The following GPR143 variants were observed in gnomAD, a reference collection of about 807,000 sequenced individuals.
GPR143 encodes the protein G-protein coupled receptor 143.
In GPR143, 8 loss-of-function variants were observed where a neutral mutation model predicts 27.6. The observed-to-expected ratio is 0.29, with a 90% CI of 0.17 to 0.52. GPR143 has a LOEUF of 0.52. Among genes scored for constraint, GPR143 ranks in the 20% least tolerant of loss-of-function variants. The pLI is 0.96. For synonymous variants in GPR143, 156 were observed against 153.2 expected, an observed-to-expected ratio of 1.02 and a Z score of -0.13; for missense variants, 303 against 343.1, an observed-to-expected ratio of 0.88 and a Z score of 0.92.
chrX:9,732,503 T>A (rs1432508764), intron 8 of GPR143, among the ~76,000 whole-genome samples: 2 of 111,027 alleles, frequency 1.8e-5, no homozygotes, highest in Admixed American at 9.6e-5. Flanking sequence ...AGAAATGGAA[T>A]TACAGGGCAG....
At chrX:9,751,856 G>A (rs1348263593) in intron 3 of GPR143, among the ~76,000 whole-genome samples, 1 of 112,791 alleles carries the variant, frequency 8.9e-6, no homozygotes, top group Non-Finnish European at 1.9e-5. Context: ...AATGTTTATT[G>A]AGCAAAGATC....
intron 4 of GPR143, 83 bp from the exon 5 acceptor site, chrX:9,746,236 G>GT: frequency 1.7e-6 from 1 of 581,440 alleles, no homozygotes; most frequent in Non-Finnish European, 3.1e-6. Flanking sequence ...GTCAAGATAA[G>GT]AGGATGAGAA....
At chrX:9,776,820 C>T in intron 1 of GPR143, among the ~76,000 whole-genome samples, 1 of 111,826 alleles carries the variant, frequency 8.9e-6, no homozygotes, top group Admixed American at 9.6e-5. Flanking sequence ...GATCCTCCCA[C>T]TTCAGCCTCC....
At chrX:9,726,001 AAAAAG>A in intron 8 of GPR143, 161 bp from the exon 9 acceptor site, 5 of 720,023 alleles carry the variant, frequency 6.9e-6, no homozygotes, top group African/African-American at 4.8e-5. Flanking sequence ...AAAAAAAAAA[AAAAAG>A]GTGGGAGGGG....
At chrX:9,734,421 C>T (rs1425188266) in intron 8 of GPR143, among the ~76,000 whole-genome samples, 2 of 110,992 alleles carry the variant, frequency 1.8e-5, no homozygotes, top group African/African-American at 6.6e-5. Flanking sequence ...CCAAGAATGG[C>T]GGGGTGGGTG....
chrX:9,772,885 T>G (rs1217634819), intron 1 of GPR143, among the ~76,000 whole-genome samples: 1 of 108,687 alleles, frequency 9.2e-6, no homozygotes, highest in African/African-American at 3.3e-5. Context: ...GTAACAATTT[T>G]CATATAGCTC....
At chrX:9,768,783 TTC>T (rs1302931957), upstream of GPR143, among the ~76,000 whole-genome samples, 2 of 110,867 alleles carry the variant, frequency 1.8e-5, no homozygotes, top group Non-Finnish European at 3.8e-5. Flanking sequence ...GTTCAAGTGA[TTC>T]TCATGCCTCA....
intron 3 of GPR143, among the ~76,000 whole-genome samples, chrX:9,758,528 C>T (rs920421290): frequency 5.4e-5 from 6 of 111,941 alleles, no homozygotes; most frequent in African/African-American, 1.6e-4. Flanking sequence ...CCTCCAGCCC[C>T]GGCATTCTCA....
intron 1 of GPR143, among the ~76,000 whole-genome samples, chrX:9,773,195 CCTGCCTAAAGACATCTGT>C (rs1311386305): frequency 8.9e-6 from 1 of 111,803 alleles, no homozygotes; most frequent in East Asian, 2.8e-4. Context: ...CTCACATTTG[CCTGCCTAAAGACATCTGT>C]CTGCCTAAAG....
intron 7 of GPR143, chrX:9,741,041 A>T: frequency 3.5e-6 from 1 of 288,665 alleles, no homozygotes; most frequent in East Asian, 5.0e-5. Context: ...AATATAATAT[A>T]TTGTACTTCT....
chrX:9,729,830 T>C (rs113423453), intron 8 of GPR143, among the ~76,000 whole-genome samples: 4,527 of 112,017 alleles, frequency 0.04, 222 homozygotes, highest in African/African-American at 0.14. Flanking sequence ...AGGTAGGTTG[T>C]TTGGATTCTC....
chrX:9,726,877 A>T (rs969655194), intron 8 of GPR143, among the ~76,000 whole-genome samples: 1 of 112,591 alleles, frequency 8.9e-6, no homozygotes. Context: ...ATGTGACAAG[A>T]TTTACAAAAA....
chrX:9,745,097 C>CA (rs1261406375), intron 5 of GPR143, among the ~76,000 whole-genome samples: 1 of 110,816 alleles, frequency 9.0e-6, no homozygotes, highest in African/African-American at 3.3e-5. Flanking sequence ...ACTAAAAATA[C>CA]AAAAAAAAGT....
At chrX:9,762,865 C>T (rs1476115712) in intron 1 of GPR143, among the ~76,000 whole-genome samples, 2 of 111,614 alleles carry the variant, frequency 1.8e-5, no homozygotes, top group Non-Finnish European at 3.8e-5. Context: ...CTTATTTGCT[C>T]GCAACCTCAT....
intron 3 of GPR143, among the ~76,000 whole-genome samples, chrX:9,753,976 G>C (rs6638961): frequency 0.14 from 15,061 of 111,129 alleles, 861 homozygotes; most frequent in South Asian, 0.3. Context: ...AGTTGAGGCC[G>C]CAGCCTTCCA....
chrX:9,773,919 T>C (rs913256321), intron 1 of GPR143, among the ~76,000 whole-genome samples: 2 of 111,482 alleles, frequency 1.8e-5, no homozygotes, highest in East Asian at 5.6e-4. Context: ...GACAGCCAAA[T>C]TGAACTTAGA....
chrX:9,751,269 C>G (rs961003982), intron 3 of GPR143, among the ~76,000 whole-genome samples: 7 of 112,576 alleles, frequency 6.2e-5, no homozygotes, highest in African/African-American at 2.3e-4. Flanking sequence ...TCCTACAAGG[C>G]TGGGCTTGCC....
chrX:9,728,532 G>A (rs1234996260), intron 8 of GPR143, among the ~76,000 whole-genome samples: 4 of 104,760 alleles, frequency 3.8e-5, no homozygotes, highest in Non-Finnish European at 5.9e-5. Flanking sequence ...GAAGGCAAGT[G>A]TGGGCTGGGC....
chrX:9,752,167 C>G (rs1261949108), intron 3 of GPR143, among the ~76,000 whole-genome samples: 1 of 112,505 alleles, frequency 8.9e-6, no homozygotes, highest in Admixed American at 9.4e-5. Flanking sequence ...CTCCTGAGCT[C>G]AAGCCTGCCT....
Sources: gnomAD v4.1 joint callset for allele counts (sites outside exome capture counted in the v4.1 genomes callset) on GRCh38, gnomAD v4.1.1 for gene constraint, MANE v1.5 for transcripts, NCBI Gene and HGNC (gene_info 2026-07-23, HGNC 2026-07-21) for gene names.